Variants in EFCAB7 observed in about 807,000 individuals in gnomAD.
The protein encoded by EFCAB7 is EF-hand calcium-binding domain-containing protein 7.
Under a neutral mutation model 77.1 loss-of-function variants are expected in EFCAB7, and 66 were observed. The observed-to-expected ratio is 0.86, with a 90% CI of 0.70 to 1.05. The LOEUF (loss-of-function observed/expected upper bound fraction) is 1.05. Among genes scored for constraint, EFCAB7 ranks in the 50% least tolerant of loss-of-function variants. The probability of loss-of-function intolerance (pLI) is 0.00; values close to 1 mark genes in which losing one functional copy is unlikely to be tolerated. For synonymous variants in EFCAB7, 225 were observed against 243.3 expected, an observed-to-expected ratio of 0.92 and a Z score of 0.70; for missense variants, 638 against 730.5, an observed-to-expected ratio of 0.87 and a Z score of 1.46.
chr1:63,573,180 G>A (rs1160424135), downstream of EFCAB7, among the ~76,000 whole-genome samples: 2 of 152,094 alleles, frequency 1.3e-5, no homozygotes. Context: ...TTTGGGGGTG[G>A]TATGGAGAGA....
intron 2 of EFCAB7, among the ~76,000 whole-genome samples, chr1:63,530,270 G>T (rs1646673215): frequency 6.6e-6 from 1 of 151,924 alleles, no homozygotes; most frequent in Admixed American, 6.6e-5. Flanking sequence ...ATCATTTTTT[G>T]ATGCTGATTG....
At chr1:63,562,446 TA>T (rs1422983126) in intron 11 of EFCAB7, among the ~76,000 whole-genome samples, 19,619 of 52,518 alleles carry the variant, frequency 0.37, 2,310 homozygotes, top group South Asian at 0.47. Context: ...CTTCTTAATT[TA>T]TTTATATATA....
chr1:63,546,502 A>T (rs997452820), intron 7 of EFCAB7, among the ~76,000 whole-genome samples: 2 of 151,908 alleles, frequency 1.3e-5, no homozygotes, highest in Non-Finnish European at 2.9e-5. Context: ...AGTAGCTGGG[A>T]CTACAGGTGC....
intron 6 of EFCAB7, among the ~76,000 whole-genome samples, chr1:63,543,964 C>CT (rs1646860846): frequency 2.1e-5 from 3 of 145,160 alleles, no homozygotes; most frequent in Admixed American, 7.0e-5. Flanking sequence ...TTCTTTTTTT[C>CT]TTTTTTCTTT....
chr1:63,582,952 CA>C, the EFCAB7 span, among the ~76,000 whole-genome samples: 1 of 152,108 alleles, frequency 6.6e-6, no homozygotes, highest in Non-Finnish European at 1.5e-5. Context: ...TTAGTGCCAG[CA>C]AAGGATGGTT....
chr1:63,566,898 ATAT>A (rs1438123952), intron 11 of EFCAB7, among the ~76,000 whole-genome samples: 16 of 149,578 alleles, frequency 1.1e-4, no homozygotes, highest in African/African-American at 3.2e-4. Context: ...TATTTATTTT[ATAT>A]TATTAAAATA....
At chr1:63,527,679 T>A (rs537812937) in intron 2 of EFCAB7, among the ~76,000 whole-genome samples, 2 of 152,322 alleles carry the variant, frequency 1.3e-5, no homozygotes, top group African/African-American at 4.8e-5. Flanking sequence ...AGATTAAAGT[T>A]AGTAGGAAAT....
intron 12 of EFCAB7, 61 bp from the exon 13 acceptor site, chr1:63,570,960 T>A (rs745827490): frequency 8.6e-5 from 106 of 1,231,814 alleles, no homozygotes; most frequent in Non-Finnish European, 1.2e-4. Flanking sequence ...ATTCTGAGGC[T>A]TATATTTGTC....
intron 7 of EFCAB7, among the ~76,000 whole-genome samples, chr1:63,550,829 A>G (rs1022986366): frequency 1.3e-5 from 2 of 151,696 alleles, no homozygotes; most frequent in Non-Finnish European, 2.9e-5. Flanking sequence ...TGGTCTTGGT[A>G]TGTGAGAAAA....
At chr1:63,577,297 A>G (rs184230759), downstream of EFCAB7, among the ~76,000 whole-genome samples, 2 of 152,348 alleles carry the variant, frequency 1.3e-5, no homozygotes, top group Admixed American at 6.5e-5. Flanking sequence ...CAGTTGATAA[A>G]TATTCAACAT....
chr1:63,543,971 CTT>C (rs35018430), intron 6 of EFCAB7, among the ~76,000 whole-genome samples: 22 of 131,084 alleles, frequency 1.7e-4, no homozygotes, highest in East Asian at 2.2e-4. Context: ...TTTCTTTTTT[CTT>C]TTTTTTTTTT....
intron 11 of EFCAB7, among the ~76,000 whole-genome samples, chr1:63,565,904 G>T (rs1435475565): frequency 6.6e-6 from 1 of 152,214 alleles, no homozygotes; most frequent in Non-Finnish European, 1.5e-5. Context: ...CTGTTGGTGG[G>T]AGTGTACATG....
At chr1:63,558,155 A>C (rs914176528) in intron 10 of EFCAB7, among the ~76,000 whole-genome samples, 1 of 152,224 alleles carries the variant, frequency 6.6e-6, no homozygotes, top group African/African-American at 2.4e-5. Context: ...AATAAAATTC[A>C]TAATATACAT....
chr1:63,527,128 C>G (rs1364868753), intron 2 of EFCAB7, among the ~76,000 whole-genome samples: 1 of 152,118 alleles, frequency 6.6e-6, no homozygotes, highest in Non-Finnish European at 1.5e-5. Context: ...TTTTTTGTTA[C>G]TGTTTTGAAA....
At chr1:63,557,093 T>A in intron 9 of EFCAB7, 21 bp from the exon 10 acceptor site, 1 of 1,520,158 alleles carries the variant, frequency 6.6e-7, no homozygotes, top group Non-Finnish European at 8.8e-7. Flanking sequence ...AAGAAATAAC[T>A]AGCTATTTTT....
At chr1:63,566,957 T>G (rs1036130949) in intron 11 of EFCAB7, among the ~76,000 whole-genome samples, 7 of 151,452 alleles carry the variant, frequency 4.6e-5, no homozygotes, top group African/African-American at 1.7e-4. Context: ...AAAATTAACT[T>G]CAGACTTCTT....
rs1175998292 is a variant in EFCAB7, at chr1:63,551,841, A to G, written c.1056+7A>G. ...CGAACTACGAAATAGAGAAGTATAC[A>G]TATTTATTTTCTAATGTTTAATTTT... On this transcript the variant is annotated splice_region_variant and intron_variant, in intron 8 of 13. Transcript: ENST00000371088. 12 of 1,512,554 alleles carry G rather than the reference A, an allele frequency of 7.9e-6. No homozygotes were observed. Among genetic ancestry groups the G allele is most frequent in the Non-Finnish European group, 9.8e-6 (11 of 1,121,692 alleles). The allele number at this position is 1,512,554 out of a possible 1,614,324, so 93.7% of individuals were successfully genotyped here.
chr1:63,571,670 CAAAAAAAAAAAAA>C (rs10605515), intron 13 of EFCAB7, among the ~76,000 whole-genome samples: 1 of 65,314 alleles, frequency 1.5e-5, no homozygotes, highest in Non-Finnish European at 2.7e-5. Flanking sequence ...GACTCTGTCT[CAAAAAAAAAAAAA>C]AAAAAAAAAA....
At position 63,572,652 on chromosome 1, in the gene EFCAB7, C is replaced by T. The variant is rs1647299586; in HGVS notation, c.*136C>T. 1 of 1,094,966 alleles carries T rather than the reference C, an allele frequency of 9.1e-7. No homozygotes were observed. The highest frequency in any genetic ancestry group is 1.2e-6 in the Non-Finnish European group (1 of 843,626). The allele number at this position is 1,094,966 out of a possible 1,614,324, so 67.8% of individuals were successfully genotyped here. ...TTTATATGCATTTTCATTTTATGTC[C>T]ATGGTATGTACTTTATTATTAAAAT... is the stretch of plus-strand genomic sequence containing the variant. On this transcript the variant is annotated 3_prime_UTR_variant, in exon 14 of 14. Transcript: ENST00000371088.
Sources: allele counts gnomAD v4.1 joint callset (sites outside exome capture counted in the v4.1 genomes callset), GRCh38; gene constraint gnomAD v4.1.1; transcripts MANE v1.5; gene names NCBI Gene and HGNC (gene_info 2026-07-23, HGNC 2026-07-21).